Variants in NRG1 observed in about 807,000 individuals in gnomAD.
NRG1 encodes the protein pro-neuregulin-1, membrane-bound isoform.
In NRG1, 18 loss-of-function variants were observed where a neutral mutation model predicts 63.8. The observed-to-expected ratio is 0.28, with a 90% CI of 0.19 to 0.42. The LOEUF (loss-of-function observed/expected upper bound fraction) is 0.42. NRG1 is among the 10% of genes least tolerant of loss of function. NRG1 has a pLI of 1.00. For missense variants in NRG1, 762 were observed against 814.7 expected (o/e 0.94, Z 0.79); for synonymous variants, 302 against 301.3 (o/e 1.00, Z -0.02).
intron 1 of NRG1, among the ~76,000 whole-genome samples, chr8:32,137,058 G>T (rs956941888): frequency 6.6e-6 from 1 of 151,998 alleles, no homozygotes; most frequent in African/African-American, 2.4e-5. Context: ...TAAACATGGG[G>T]GTTTTTTTTA....
intron 1 of NRG1, among the ~76,000 whole-genome samples, chr8:31,985,690 T>C (rs1809942037): frequency 6.6e-6 from 1 of 152,272 alleles, no homozygotes; most frequent in East Asian, 1.9e-4. Flanking sequence ...TTTCATGATA[T>C]GTAGTTAGTT....
chr8:32,403,162 AG>A (rs1431646888), intron 1 of NRG1, among the ~76,000 whole-genome samples: 2 of 152,032 alleles, frequency 1.3e-5, no homozygotes, highest in East Asian at 3.9e-4. Flanking sequence ...AGCCAGGCAC[AG>A]TGGCAGGTGC....
rs1829355757 is a variant in NRG1, at chr8:32,092,688, C to A, written c.37+453257C>A. Reference sequence around the variant, plus strand: ...CAGCACCAGATGTTTTGAGGACAGGCAGGTGTTTATGCAGCAGGTGTGGCA... The same window carrying A: ...CAGCACCAGATGTTTTGAGGACAGGAAGGTGTTTATGCAGCAGGTGTGGCA... On this transcript the variant is annotated intron_variant, in intron 1 of 10. Transcript: ENST00000519301. 1.3e-5 allele frequency among the ~76,000 whole-genome samples: 2 copies of A among 151,996 alleles called. 1 individual carries two copies. Among genetic ancestry groups the A allele is most frequent in the East Asian group, 3.9e-4 (2 of 5,136 alleles).
chr8:32,749,818 GTACCC>G (rs1216107349), intron 7 of NRG1: 1 of 567,270 alleles, frequency 1.8e-6, no homozygotes, highest in Non-Finnish European at 3.1e-6. Context: ...GAGTTTAAAA[GTACCC>G]TACCTGCTGC....
At chr8:31,958,132 TTG>T (rs951107509) in intron 1 of NRG1, among the ~76,000 whole-genome samples, 22 of 151,930 alleles carry the variant, frequency 1.4e-4, no homozygotes, top group Admixed American at 1.3e-4. Context: ...TGTGTGTGTG[TTG>T]TGTGTTTGTA....
chr8:32,056,931 A>G (rs1457111220), intron 1 of NRG1, among the ~76,000 whole-genome samples: 1 of 152,208 alleles, frequency 6.6e-6, no homozygotes, highest in African/African-American at 2.4e-5. Context: ...AAATGCAGGT[A>G]CTTTTTAGCA....
intron 1 of NRG1, among the ~76,000 whole-genome samples, chr8:31,884,053 C>A (rs961100906): frequency 9.2e-5 from 14 of 152,022 alleles, no homozygotes; most frequent in African/African-American, 3.4e-4. Flanking sequence ...CTATTTAGAT[C>A]CTGAACATGA....
At chr8:31,679,915 A>T (rs1299639849) in intron 1 of NRG1, among the ~76,000 whole-genome samples, 1 of 152,076 alleles carries the variant, frequency 6.6e-6, no homozygotes, top group Non-Finnish European at 1.5e-5. Context: ...GTACTTTGCT[A>T]CAAATATTTG....
chr8:32,509,561 G>A (rs975761788), intron 1 of NRG1, among the ~76,000 whole-genome samples: 1 of 152,184 alleles, frequency 6.6e-6, no homozygotes, highest in Non-Finnish European at 1.5e-5. Flanking sequence ...GAATTTGAGG[G>A]ATGCAGGTGA....
At chr8:31,973,894 A>G (rs1046557310) in intron 1 of NRG1, among the ~76,000 whole-genome samples, 1 of 152,200 alleles carries the variant, frequency 6.6e-6, no homozygotes, top group African/African-American at 2.4e-5. Context: ...TTGAAAAGCT[A>G]TGAAAGAGCT....
intron 1 of NRG1, among the ~76,000 whole-genome samples, chr8:32,378,624 C>A (rs942902259): frequency 6.6e-6 from 1 of 151,978 alleles, no homozygotes; most frequent in African/African-American, 2.4e-5. Context: ...GAAAACATAT[C>A]TTTTTTTTAT....
intron 1 of NRG1, among the ~76,000 whole-genome samples, chr8:32,281,753 G>A (rs1852876561): frequency 6.6e-6 from 1 of 152,104 alleles, no homozygotes. Flanking sequence ...CACTGAGGCA[G>A]GAGGATCACT....
chr8:32,736,862 G>A (rs2129030921), intron 6 of NRG1, among the ~76,000 whole-genome samples: 1 of 152,060 alleles, frequency 6.6e-6, no homozygotes, highest in Non-Finnish European at 1.5e-5. Context: ...TGGGGTCCGT[G>A]AATATCTATA....
chr8:32,471,452 G>A (rs936147765), intron 1 of NRG1, among the ~76,000 whole-genome samples: 7 of 152,090 alleles, frequency 4.6e-5, no homozygotes, highest in African/African-American at 1.7e-4. Context: ...AAGGGTAGTG[G>A]TTCTAGATCA....
At chr8:32,034,558 G>A (rs1818752610) in intron 1 of NRG1, among the ~76,000 whole-genome samples, 1 of 152,154 alleles carries the variant, frequency 6.6e-6, no homozygotes, top group Non-Finnish European at 1.5e-5. Context: ...ATAGAATTCA[G>A]CTGTAGACCA....
intron 1 of NRG1, among the ~76,000 whole-genome samples, chr8:32,344,541 C>G (rs766374987): frequency 1.3e-5 from 2 of 149,666 alleles, no homozygotes; most frequent in African/African-American, 2.5e-5. Context: ...AGGTGATCTT[C>G]CCACCTCACC....
At chr8:32,557,229 G>A (rs961439072) in intron 1 of NRG1, among the ~76,000 whole-genome samples, 2 of 152,016 alleles carry the variant, frequency 1.3e-5, no homozygotes, top group African/African-American at 2.4e-5. Flanking sequence ...GGATGGTCTC[G>A]ATCTCCTGAC....
In NRG1 at chr8:32,692,145, T is replaced by C. The variant is rs571705949; in HGVS notation, c.503-35804T>C. The stretch of plus-strand genomic sequence containing the variant: ...TTTCCAAATACAATCAGTGATTTTT[T>C]TGTGTGTGCTAAGTGTTCTCAGGAC... On this transcript the variant is annotated intron_variant, in intron 5 of 11. Transcript: ENST00000356819. 7.9e-4 allele frequency among the ~76,000 whole-genome samples: 120 copies of C among 152,370 alleles called. 2 individuals are homozygous for C. Among genetic ancestry groups the C allele is most frequent in the Non-Finnish European group, 1.0e-4 (7 of 68,028 alleles).
At position 31,699,197 on chromosome 8, in the gene NRG1, C is replaced by T. The variant is rs978978297; in HGVS notation, c.37+59766C>T. On this transcript the variant is annotated intron_variant, in intron 1 of 10. Coordinates refer to the NRG1 transcript ENST00000519301. ...CTAAAATGGGGTTCTGAGTTAATAA[C>T]ATTTTTTTCCTCATTATAAAAATTC... 1.7e-3 allele frequency among the ~76,000 whole-genome samples: 25 copies of T among 14,320 alleles called. No homozygotes were observed. The Non-Finnish European group carries it at 0.056, about 32-fold the overall frequency. The allele number at this position is 14,320 out of a possible 152,430, so 9.4% of individuals were successfully genotyped here.
Sources: allele counts gnomAD v4.1 joint callset (sites outside exome capture counted in the v4.1 genomes callset), GRCh38; gene constraint gnomAD v4.1.1; transcripts MANE v1.5; gene names NCBI Gene and HGNC (gene_info 2026-07-23, HGNC 2026-07-21).